Variants in DNAH11 observed in about 807,000 individuals in gnomAD.
The protein encoded by DNAH11 is dynein axonemal heavy chain 11.
Under a neutral mutation model 526.0 loss-of-function variants are expected in DNAH11, and 442 were observed. The ratio of observed to expected loss-of-function variants is 0.84; its 90% CI spans 0.78 to 0.91. DNAH11 has a LOEUF of 0.91. Among genes scored for constraint, DNAH11 ranks in the 40% least tolerant of loss-of-function variants. DNAH11 has a pLI of 0.00. For missense variants in DNAH11, 6,989 were observed against 5,448.7 expected, an observed-to-expected ratio of 1.28 and a Z score of -8.90; for synonymous variants, 2,461 against 1,935.9, an observed-to-expected ratio of 1.27 and a Z score of -7.12.
rs754310102 is a variant in DNAH11 at position 21,744,919 on chromosome 7, T to C, written c.8366T>C (p.Phe2789Ser). ...LLQQPLIYCH[F>S]ADRGKDPHYM... ...CAACAGCCCCTCATTTATTGCCACT[T>C]TGCTGATAGAGGGAAGGACCCACAT... Residue 2789 changes from phenylalanine (F) to serine (S), a missense_variant, in exon 51 of 82, where the codon TTT (phenylalanine) becomes TCT (serine). Coordinates refer to ENST00000409508, the MANE Select transcript of DNAH11 (RefSeq NM_001277115.2). The C allele has an allele frequency of 2.5e-6, 4 of 1,611,316 alleles. No homozygotes were observed. Among genetic ancestry groups the C allele is most frequent in the Non-Finnish European group, 3.4e-6 (4 of 1,178,756 alleles).
intron 65 of DNAH11, among the ~76,000 whole-genome samples, chr7:21,833,789 A>T (rs531463217): frequency 6.6e-6 from 1 of 152,170 alleles, no homozygotes; most frequent in Non-Finnish European, 1.5e-5. Flanking sequence ...TAGAGATGCA[A>T]ATGAGTATAA....
At chr7:21,581,484 C>G (rs1784304897) in intron 8 of DNAH11, among the ~76,000 whole-genome samples, 1 of 152,118 alleles carries the variant, frequency 6.6e-6, no homozygotes, top group South Asian at 2.1e-4. Flanking sequence ...AAACAAAAAC[C>G]CTTCCTATTT....
intron 25 of DNAH11, among the ~76,000 whole-genome samples, chr7:21,628,487 T>C (rs1786454351): frequency 6.6e-6 from 1 of 152,120 alleles, no homozygotes; most frequent in Non-Finnish European, 1.5e-5. Flanking sequence ...TTGATGAGGG[T>C]TTTTATCATA....
intron 20 of DNAH11, among the ~76,000 whole-genome samples, chr7:21,611,367 T>C (rs1014865638): frequency 1.3e-5 from 2 of 152,170 alleles, no homozygotes; most frequent in African/African-American, 2.4e-5. Flanking sequence ...TGAACTTGCA[T>C]TGAGCCACAC....
At chr7:21,605,425 A>AAAT (rs2128448550) in intron 18 of DNAH11, among the ~76,000 whole-genome samples, 1 of 152,346 alleles carries the variant, frequency 6.6e-6, no homozygotes, top group Admixed American at 6.5e-5. Context: ...TCCTTAAAGA[A>AAAT]AATAACTTGC....
chr7:21,812,886 A>C (rs996068620), intron 63 of DNAH11, among the ~76,000 whole-genome samples: 1 of 152,190 alleles, frequency 6.6e-6, no homozygotes, highest in African/African-American at 2.4e-5. Flanking sequence ...TCATAAGTCC[A>C]GTATCCAGCC....
In DNAH11 at chr7:21,652,569, A is replaced by C. The variant is rs574618473; in HGVS notation, c.4945-3263A>C. 7.3e-3 allele frequency among the ~76,000 whole-genome samples: 1,102 copies of C among 151,058 alleles called. 16 individuals are homozygous for C. The highest frequency in any genetic ancestry group is 0.026 in the African/African-American group (1,063 of 41,438). On this transcript the variant is annotated intron_variant, in intron 28 of 81. Coordinates refer to ENST00000409508, the MANE Select transcript of DNAH11 (RefSeq NM_001277115.2). ...ATTTTTTTGATCTCCCTGTATGTTT[A>C]TAACCAACAGTGAGAAGCTTTAATG...
At chr7:21,754,999 T>C (rs1381593030) in intron 54 of DNAH11, among the ~76,000 whole-genome samples, 1 of 152,198 alleles carries the variant, frequency 6.6e-6, no homozygotes, top group Non-Finnish European at 1.5e-5. Flanking sequence ...ATATCTCCTT[T>C]GCATAAGTTC....
intron 79 of DNAH11, among the ~76,000 whole-genome samples, chr7:21,897,335 G>C (rs543137394): frequency 4.0e-5 from 6 of 151,066 alleles, no homozygotes; most frequent in Middle Eastern, 6.8e-3. Flanking sequence ...CTGAATGACA[G>C]TTTGGCCAGT....
chr7:21,871,613 G>T (rs1417747073), intron 73 of DNAH11, among the ~76,000 whole-genome samples: 2 of 152,184 alleles, frequency 1.3e-5, no homozygotes, highest in Admixed American at 6.5e-5. Flanking sequence ...TATTGTTTCT[G>T]TTGTTTTCTT....
At chr7:21,674,812 C>T (rs1782803969) in intron 30 of DNAH11, among the ~76,000 whole-genome samples, 1 of 151,960 alleles carries the variant, frequency 6.6e-6, no homozygotes, top group African/African-American at 2.4e-5. Flanking sequence ...AGATCCAGTG[C>T]ACATTAGCTC....
rs2074761 is a variant in DNAH11 at position 21,725,474 on chromosome 7, C to G, written c.7267-337C>G. 0.012 allele frequency among the ~76,000 whole-genome samples: 1,899 copies of G among 152,248 alleles called. 172 individuals are homozygous for G. The East Asian group carries it at 0.25, about 20-fold the overall frequency. On this transcript the variant is annotated intron_variant, in intron 44 of 81. Coordinates refer to ENST00000409508, the MANE Select transcript of DNAH11 (RefSeq NM_001277115.2). ...GGACAGTATTTAAATCAAATAATGT[C>G]ATTAATTTTTAAAAAGTACGCCATT...
chr7:21,868,067 C>A (rs932242634), intron 72 of DNAH11, 60 bp downstream of exon 72: 150 of 1,351,218 alleles, frequency 1.1e-4, no homozygotes, highest in Middle Eastern at 4.9e-4. Context: ...TCACCCCCAC[C>A]CCTGCCCTTC....
rs72657332 is a variant in DNAH11 at position 21,683,681 on chromosome 7, T to G, written c.5461-103T>G. On this transcript the variant is annotated intron_variant, in intron 31 of 81. Transcript: ENST00000409508. ...AATAGCGTGCAAGAGATTTCCTATT[T>G]ATGAGAATTTTAGAAATGTGAACCA... 1,087 of 1,283,054 alleles carry G rather than the reference T, an allele frequency of 8.5e-4. 5 individuals carry two copies. In the Middle Eastern group the frequency reaches 0.019, roughly 22 times the overall value. The allele number at this position is 1,283,054 out of a possible 1,614,324, so 79.5% of individuals were successfully genotyped here.
At chr7:21,711,259 G>T (rs1170620428) in intron 41 of DNAH11, among the ~76,000 whole-genome samples, 1 of 152,138 alleles carries the variant, frequency 6.6e-6, no homozygotes, top group East Asian at 1.9e-4. Context: ...TTACTCCAGA[G>T]AAGATTTAGT....
At position 21,698,214 on chromosome 7, in the gene DNAH11, G is replaced by C; in HGVS notation, c.6180+1G>C. 6.2e-7 allele frequency: 1 copy of C among 1,613,108 alleles called. No homozygotes were observed. On this transcript the variant is annotated splice_donor_variant, in intron 36 of 81. Coordinates refer to ENST00000409508, the MANE Select transcript of DNAH11 (RefSeq NM_001277115.2). LOFTEE classifies it high-confidence loss of function. The stretch of plus-strand genomic sequence containing the variant: ...TTGCAAGGAGCTTCTCTCCAAGCAG[G>C]TGAGGGATCATTTGTTACGTTTTCT...
intron 30 of DNAH11, among the ~76,000 whole-genome samples, chr7:21,660,341 T>C (rs1473048718): frequency 1.3e-5 from 2 of 152,064 alleles, no homozygotes; most frequent in Non-Finnish European, 2.9e-5. Flanking sequence ...ATTTCAGCTA[T>C]CCTCAATCAC....
intron 10 of DNAH11, 53 bp from the exon 11 acceptor site, chr7:21,588,459 C>A: frequency 6.2e-7 from 1 of 1,602,860 alleles, no homozygotes; most frequent in Non-Finnish European, 8.5e-7. Flanking sequence ...GGTTGGAAAC[C>A]ATTCTGACTA....
chr7:21,656,025 C>T, intron 29 of DNAH11, 44 bp downstream of exon 29: 1 of 1,525,594 alleles, frequency 6.6e-7, no homozygotes, highest in Non-Finnish European at 8.8e-7. Context: ...GGAGTATTTT[C>T]AGCATGCTCT....
Sources: allele counts gnomAD v4.1 joint callset (sites outside exome capture counted in the v4.1 genomes callset), GRCh38; gene constraint gnomAD v4.1.1; transcripts MANE v1.5; gene names NCBI Gene and HGNC (gene_info 2026-07-23, HGNC 2026-07-21).